DHX9: variants seen among roughly 807,000 people sequenced by gnomAD.
DHX9 encodes the protein ATP-dependent RNA helicase A.
Under a neutral mutation model 148.7 loss-of-function variants are expected in DHX9, and 27 were observed. That is an observed-to-expected ratio of 0.18 (90% CI 0.13 to 0.25). The LOEUF is 0.25. Ranked by LOEUF, DHX9 falls within the 10% of genes least tolerant of loss-of-function variation. The pLI, the probability that DHX9 is intolerant of heterozygous loss-of-function variation, is 1.00. For synonymous variants in DHX9, 529 were observed against 516.6 expected, an observed-to-expected ratio of 1.02 and a Z score of -0.33; for missense variants, 796 against 1,559.6, an observed-to-expected ratio of 0.51 and a Z score of 8.25.
chr1:182,864,905 A>G (rs915368033), intron 12 of DHX9, among the ~76,000 whole-genome samples: 2 of 152,164 alleles, frequency 1.3e-5, no homozygotes, highest in Non-Finnish European at 2.9e-5. Context: ...TCTCCTGCGC[A>G]TATTCAGTTT....
chr1:182,881,744 C>T, intron 24 of DHX9, 97 bp downstream of exon 24: 1 of 1,322,008 alleles, frequency 7.6e-7, no homozygotes, highest in Non-Finnish European at 1.0e-6. Context: ...AATTTTAGAC[C>T]CTATGATTTT....
intron 3 of DHX9, among the ~76,000 whole-genome samples, chr1:182,843,734 A>G (rs894550919): frequency 6.6e-6 from 1 of 152,184 alleles, no homozygotes; most frequent in Non-Finnish European, 1.5e-5. Flanking sequence ...TTCATTACCA[A>G]TGATAATACT....
At chr1:182,858,031 A>G (rs1668287490) in intron 7 of DHX9, 73 bp from the exon 8 acceptor site, 1 of 1,499,776 alleles carries the variant, frequency 6.7e-7, no homozygotes. Flanking sequence ...GTAAGCCCAT[A>G]GTTTCTTGTG....
chr1:182,848,142 T>G (rs1668065840), intron 3 of DHX9, among the ~76,000 whole-genome samples: 1 of 151,342 alleles, frequency 6.6e-6, no homozygotes, highest in African/African-American at 2.5e-5. Flanking sequence ...CTTCCCCAGC[T>G]GTCCTATTTA....
At chr1:182,840,162 T>C (rs1667894149) in intron 1 of DHX9, among the ~76,000 whole-genome samples, 1 of 152,088 alleles carries the variant, frequency 6.6e-6, no homozygotes, top group Non-Finnish European at 1.5e-5. Context: ...AATATTTCAC[T>C]AGCCCGGGTG....
intron 19 of DHX9, 146 bp from the exon 20 acceptor site, chr1:182,877,875 G>C: frequency 1.1e-6 from 1 of 908,870 alleles, no homozygotes; most frequent in Non-Finnish European, 1.6e-6. Flanking sequence ...TCAGATTGCT[G>C]ATTCTTACTT....
intron 3 of DHX9, among the ~76,000 whole-genome samples, chr1:182,849,845 T>A (rs1057345702): frequency 6.6e-6 from 1 of 152,186 alleles, no homozygotes; most frequent in Non-Finnish European, 1.5e-5. Context: ...CTGTGTTTGT[T>A]AATATATTAG....
At chr1:182,859,946 T>G in intron 11 of DHX9, 47 bp from the exon 12 acceptor site, 1 of 1,556,782 alleles carries the variant, frequency 6.4e-7, no homozygotes, top group East Asian at 2.3e-5. Context: ...CAGTTGCTTC[T>G]AATGTGTTGG....
chr1:182,860,547 T>G (rs1349187962), intron 12 of DHX9, among the ~76,000 whole-genome samples: 2 of 152,258 alleles, frequency 1.3e-5, no homozygotes, highest in Non-Finnish European at 2.9e-5. Context: ...TAACTTTCAC[T>G]GTATGCCATG....
At chr1:182,852,194 C>A (rs1411852048) in intron 3 of DHX9, 39 bp from the exon 4 acceptor site, 8 of 1,439,400 alleles carry the variant, frequency 5.6e-6, no homozygotes, top group East Asian at 2.3e-5. Flanking sequence ...CCCGTGAAGG[C>A]AAAAGCACTG....
rs1649402510 is a variant in DHX9 at position 182,887,761 on chromosome 1, T to C, written c.*327T>C. On this transcript the variant is annotated 3_prime_UTR_variant, in exon 28 of 28. Transcript: ENST00000367549. ...AGTATTACACCGAATACTTGCCGTGTAGTTTGTTTGTTGACCTCGTATGTT... is the reference window on the plus strand; with the variant it reads ...AGTATTACACCGAATACTTGCCGTGCAGTTTGTTTGTTGACCTCGTATGTT... 4.4e-6 allele frequency: 1 copy of C among 226,682 alleles called. No homozygotes were observed. 14.0% of individuals were successfully genotyped at this position (226,682 alleles called of 1,614,324 possible). A position where few individuals can be genotyped will look rare whatever the true frequency, so the allele number is the denominator to read the frequency against.
chr1:182,883,502 C>A lies in DHX9; in HGVS notation c.3145-18C>A, dbSNP rs1006227623. ...TGGAATGTCAACCATTTTGTATTGT[C>A]TCTTTCTCCATTTGCAGATTCGAAC... On this transcript the variant is annotated intron_variant, in intron 25 of 27. Coordinates refer to ENST00000367549, the MANE Select transcript of DHX9 (RefSeq NM_001357.5). 3.7e-6 allele frequency: 6 copies of A among 1,607,776 alleles called. No homozygotes were observed. The highest frequency in any genetic ancestry group is 1.1e-5 in the South Asian group (1 of 90,978).
chr1:182,849,962 A>G (rs1271906931), intron 3 of DHX9, among the ~76,000 whole-genome samples: 1 of 146,912 alleles, frequency 6.8e-6, no homozygotes, highest in African/African-American at 2.6e-5. Flanking sequence ...AAACTGGTTC[A>G]TTGTAAAGTG....
intron 3 of DHX9, among the ~76,000 whole-genome samples, chr1:182,847,538 T>C (rs1668054773): frequency 6.6e-6 from 1 of 152,190 alleles, no homozygotes; most frequent in African/African-American, 2.4e-5. Flanking sequence ...GAATCTGCCC[T>C]GTACATGAGT....
chr1:182,863,416 T>C (rs773668234), intron 12 of DHX9, among the ~76,000 whole-genome samples: 14 of 152,202 alleles, frequency 9.2e-5, no homozygotes, highest in Non-Finnish European at 1.6e-4. Flanking sequence ...TTTACTGTTA[T>C]ATTACACAAA....
At chr1:182,854,005 A>C (rs777554385) in intron 5 of DHX9, 25 bp from the exon 6 acceptor site, 26 of 1,605,926 alleles carry the variant, frequency 1.6e-5, no homozygotes, top group Admixed American at 5.2e-5. Context: ...AACACAGCCA[A>C]ATTTAATTAT....
chr1:182,859,949 T>C (rs760125155), intron 11 of DHX9, 44 bp from the exon 12 acceptor site: 1 of 1,561,402 alleles, frequency 6.4e-7, no homozygotes, highest in Non-Finnish European at 8.7e-7. Context: ...TTGCTTCTAA[T>C]GTGTTGGTAG....
rs149488216 is a variant in DHX9, at chr1:182,878,312, G to A, written c.2351+139G>A. The A allele has an allele frequency of 2.0e-4, 186 of 932,862 alleles. 1 individual carries two copies. In the African/African-American group the frequency reaches 2.5e-3, roughly 12 times the overall value. The allele number at this position is 932,862 out of a possible 1,614,324, so 57.8% of individuals were successfully genotyped here. On this transcript the variant is annotated intron_variant, in intron 20 of 27. Transcript: ENST00000367549. ...TGTTGGAATCAGGTGTAAATGTTTCGTAAGAATCTTCATCACAAATCATTT... is the reference window on the plus strand; with the variant it reads ...TGTTGGAATCAGGTGTAAATGTTTCATAAGAATCTTCATCACAAATCATTT...
At chr1:182,871,236 GGCAT>G (rs1401378931) in intron 14 of DHX9, among the ~76,000 whole-genome samples, 1 of 152,070 alleles carries the variant, frequency 6.6e-6, no homozygotes, top group Non-Finnish European at 1.5e-5. Context: ...CAAAAATACA[GGCAT>G]TTTATAGAAG....
Sources: gnomAD v4.1 joint callset for allele counts (sites outside exome capture counted in the v4.1 genomes callset) on GRCh38, gnomAD v4.1.1 for gene constraint, MANE v1.5 for transcripts, NCBI Gene and HGNC (gene_info 2026-07-23, HGNC 2026-07-21) for gene names.